Variants in BTBD9 observed in about 807,000 individuals in gnomAD.
BTBD9 encodes the protein BTB domain containing 9.
BTBD9 carries 49 observed loss-of-function variants against 64.3 expected under a neutral mutation model. That is an observed-to-expected ratio of 0.76 (90% CI 0.61 to 0.97). BTBD9 has a LOEUF of 0.97. BTBD9 is among the 50% of genes least tolerant of loss of function. The pLI is 0.00. For missense variants in BTBD9, 598 were observed against 762.1 expected (o/e 0.78, Z 2.53); for synonymous variants, 260 against 274.7 (o/e 0.95, Z 0.53).
Position 38,222,638 on chromosome 6 carries a change from T to C in BTBD9, c.1563-30041A>G, listed in dbSNP as rs191046055. On this transcript the variant is annotated intron_variant, in intron 9 of 10. Transcript: ENST00000481247. Reference sequence around the variant, plus strand: ...GCACCAGGGATGGTAAAGCTTCCAGTTGAAGAATATGTAACACTCATCTCT... The same window carrying C: ...GCACCAGGGATGGTAAAGCTTCCAGCTGAAGAATATGTAACACTCATCTCT... Among the ~76,000 whole-genome samples the C allele has an allele frequency of 1.7e-3, 255 of 152,228 alleles. 1 individual carries two copies. The highest frequency in any genetic ancestry group is 4.0e-4 in the Non-Finnish European group (27 of 68,016).
intron 7 of BTBD9, among the ~76,000 whole-genome samples, chr6:38,298,594 T>G (rs1490138688): frequency 2.0e-5 from 3 of 152,180 alleles, no homozygotes; most frequent in Non-Finnish European, 4.4e-5. Flanking sequence ...ACATTAGAAC[T>G]GATTCCTTCT....
At chr6:38,472,929 A>G (rs1033775164) in intron 6 of BTBD9, among the ~76,000 whole-genome samples, 9 of 152,210 alleles carry the variant, frequency 5.9e-5, no homozygotes, top group African/African-American at 2.2e-4. Context: ...TAAACACTGT[A>G]TTCAAAATCT....
chr6:38,323,632 A>G (rs970787023), intron 7 of BTBD9, among the ~76,000 whole-genome samples: 2 of 152,242 alleles, frequency 1.3e-5, no homozygotes, highest in African/African-American at 4.8e-5. Flanking sequence ...GTCAATTTCC[A>G]TATGAGAGAA....
chr6:38,354,981 T>G (rs534133239), intron 6 of BTBD9, among the ~76,000 whole-genome samples: 3 of 151,996 alleles, frequency 2.0e-5, no homozygotes, highest in East Asian at 3.9e-4. Flanking sequence ...AAAACTAGTA[T>G]AGATATGTAT....
At chr6:38,589,971 T>C (rs779466784) in intron 4 of BTBD9, among the ~76,000 whole-genome samples, 73 of 152,216 alleles carry the variant, frequency 4.8e-4, no homozygotes, top group Non-Finnish European at 2.8e-4. Flanking sequence ...TTCTATACTC[T>C]AGCAGCTCAG....
At chr6:38,498,763 T>A (rs954152527) in intron 6 of BTBD9, among the ~76,000 whole-genome samples, 7 of 152,204 alleles carry the variant, frequency 4.6e-5, no homozygotes, top group Non-Finnish European at 1.0e-4. Context: ...CAAGGATGTG[T>A]GTACCCTCTA....
At position 38,411,788 on chromosome 6, in the gene BTBD9, T is replaced by G. The variant is rs886661303; in HGVS notation, c.1155-66695A>C. On this transcript the variant is annotated intron_variant, in intron 6 of 10. Coordinates refer to ENST00000481247, the MANE Select transcript of BTBD9 (RefSeq NM_001099272.2). ...CCGTCTCTATAAAAAACATTAAAAG[T>G]CAGCCAGACACGGTGGCGTGCACCT... is the stretch of plus-strand genomic sequence containing the variant. 2.0e-5 allele frequency among the ~76,000 whole-genome samples: 3 copies of G among 151,978 alleles called. No individual in the cohort carries two copies. In the South Asian group the frequency reaches 6.2e-4, roughly 32 times the overall value.
At chr6:38,596,800 C>CA (rs751074318) in intron 2 of BTBD9, among the ~76,000 whole-genome samples, 4,394 of 61,498 alleles carry the variant, frequency 0.071, 92 homozygotes, top group Admixed American at 0.15. Flanking sequence ...GACTCCGTCT[C>CA]AAAAAAAAAA....
At chr6:38,585,014 A>G (rs537264376) in intron 4 of BTBD9, among the ~76,000 whole-genome samples, 19 of 152,168 alleles carry the variant, frequency 1.2e-4, no homozygotes, top group Non-Finnish European at 2.8e-4. Flanking sequence ...GGCAAGTTAC[A>G]TAGATCACAG....
chr6:38,192,703 G>C, intron 9 of BTBD9, 106 bp from the exon 10 acceptor site: 1 of 956,970 alleles, frequency 1.0e-6, no homozygotes, highest in Non-Finnish European at 1.7e-6. Flanking sequence ...TCCTGTCCTC[G>C]GAGACCTGCA....
intron 6 of BTBD9, among the ~76,000 whole-genome samples, chr6:38,451,098 T>TC (rs1769521683): frequency 6.6e-6 from 1 of 152,136 alleles, no homozygotes; most frequent in South Asian, 2.1e-4. Context: ...TCACATATGA[T>TC]CCCCGATTAC....
rs1035897550 is a variant in BTBD9, at chr6:38,519,683, A to G, written c.1154+57917T>C. ...CTCTGGTCATGTTTTCCAGGGTTTC[A>G]GTAAACAAGCATGCAGAAAGAATCA... On this transcript the variant is annotated intron_variant, in intron 6 of 10. Coordinates refer to ENST00000481247, the MANE Select transcript of BTBD9 (RefSeq NM_001099272.2). Among the ~76,000 whole-genome samples the G allele has an allele frequency of 2.6e-5, 4 of 152,348 alleles. No individual in the cohort carries two copies. The South Asian group carries it at 8.3e-4, about 32-fold the overall frequency.
chr6:38,178,607 G>C (rs1761390444), intron 10 of BTBD9, among the ~76,000 whole-genome samples: 1 of 152,266 alleles, frequency 6.6e-6, no homozygotes, highest in East Asian at 1.9e-4. Flanking sequence ...TCTGAGGTGA[G>C]TCTGGAAGGA....
chr6:38,455,053 A>T (rs1233796065), intron 6 of BTBD9, among the ~76,000 whole-genome samples: 1 of 152,130 alleles, frequency 6.6e-6, no homozygotes, highest in African/African-American at 2.4e-5. Context: ...TGAAACAAAC[A>T]AAATAAATAA....
chr6:38,338,524 A>G (rs773537833), intron 7 of BTBD9, among the ~76,000 whole-genome samples: 1 of 152,160 alleles, frequency 6.6e-6, no homozygotes, highest in Non-Finnish European at 1.5e-5. Flanking sequence ...TGATAATAGA[A>G]TCTTATTCCT....
Position 38,280,774 on chromosome 6 carries a change from G to C in BTBD9, c.1454+7498C>G, listed in dbSNP as rs116501910. On this transcript the variant is annotated intron_variant, in intron 8 of 10. Coordinates refer to ENST00000481247, the MANE Select transcript of BTBD9 (RefSeq NM_001099272.2). ...ATCTCAGTCATTTGCTGGAGATGTT[G>C]GATCTTTAGCAGTTTCCTCACATAC... 1.7e-3 allele frequency among the ~76,000 whole-genome samples: 259 copies of C among 152,272 alleles called. 1 individual carries two copies. Among genetic ancestry groups the C allele is most frequent in the African/African-American group, 6.1e-3 (254 of 41,560 alleles).
At chr6:38,524,371 A>G (rs1297015760) in intron 6 of BTBD9, among the ~76,000 whole-genome samples, 2 of 152,206 alleles carry the variant, frequency 1.3e-5, no homozygotes, top group Non-Finnish European at 2.9e-5. Flanking sequence ...TCTTCTCCTT[A>G]GAATTCATAA....
At chr6:38,487,569 G>A (rs550518287) in intron 6 of BTBD9, among the ~76,000 whole-genome samples, 41 of 140,252 alleles carry the variant, frequency 2.9e-4, no homozygotes, top group African/African-American at 1.1e-3. Context: ...GTGACAGAGC[G>A]AGAGAGACAG....
rs571446224 is a variant in BTBD9, at chr6:38,170,355, C to T, written c.*4630G>A. On this transcript the variant is annotated 3_prime_UTR_variant, in exon 11 of 11. Coordinates refer to ENST00000481247, the MANE Select transcript of BTBD9 (RefSeq NM_001099272.2). Reference sequence around the variant, plus strand: ...TGAGCACGCTGTCCCTCGGAGCGTCCTCAGTGGTGCAGCCAAGAGCCAGGA... The same window carrying T: ...TGAGCACGCTGTCCCTCGGAGCGTCTTCAGTGGTGCAGCCAAGAGCCAGGA... 2.6e-5 allele frequency: 4 copies of T among 152,788 alleles called. No homozygotes were observed. The highest frequency in any genetic ancestry group is 9.6e-5 in the African/African-American group (4 of 41,580). 9.5% of individuals were successfully genotyped at this position (152,788 alleles called of 1,614,324 possible). A position where few individuals can be genotyped will look rare whatever the true frequency, so the allele number is the denominator to read the frequency against.
Sources: allele counts gnomAD v4.1 joint callset (sites outside exome capture counted in the v4.1 genomes callset), GRCh38; gene constraint gnomAD v4.1.1; transcripts MANE v1.5; gene names NCBI Gene and HGNC (gene_info 2026-07-23, HGNC 2026-07-21).